The following ATR variants were observed in gnomAD, a reference collection of about 807,000 sequenced individuals.
The protein encoded by ATR is ATR checkpoint kinase.
ATR carries 142 observed loss-of-function variants against 305.3 expected under a neutral mutation model. That is an observed-to-expected ratio of 0.47 (90% CI 0.41 to 0.53). The LOEUF (loss-of-function observed/expected upper bound fraction) is 0.53. ATR is among the 20% of genes least tolerant of loss of function. ATR has a pLI of 0.00. For missense variants in ATR, 2,135 were observed against 3,133.1 expected (o/e 0.68, Z 7.60); for synonymous variants, 1,050 against 1,068.1 (o/e 0.98, Z 0.33).
At position 142,558,736 on chromosome 3, in the gene ATR, A is replaced by C; in HGVS notation, c.1773T>G (p.Cys591Trp). 1.2e-6 allele frequency: 2 copies of C among 1,611,556 alleles called. No individual in the cohort carries two copies. The highest frequency in any genetic ancestry group is 8.5e-7 in the Non-Finnish European group (1 of 1,178,152). ...SFEDHILEDLCGMLSLPWIYS... is the reference protein window; with the variant it reads ...SFEDHILEDLWGMLSLPWIYS... ...AAATCCATGGAAGTGAGAGCATACC[A>C]CATAAATCTTCCAGGATATGATCTT... Residue 591 changes from cysteine to tryptophan, a missense_variant, in exon 8 of 47, where the codon TGT (cysteine) becomes TGG (tryptophan). Transcript: ENST00000350721.
intron 45 of ATR, among the ~76,000 whole-genome samples, chr3:142,455,646 C>A (rs555667009): frequency 1.3e-5 from 2 of 152,314 alleles, no homozygotes; most frequent in East Asian, 3.9e-4. Context: ...GCAAAATATT[C>A]TTTTCAAAAA....
At chr3:142,463,792 CTA>C (rs2071069272) in intron 41 of ATR, among the ~76,000 whole-genome samples, 2 of 152,224 alleles carry the variant, frequency 1.3e-5, no homozygotes, top group Admixed American at 1.3e-4. Context: ...ACCAAGCAGA[CTA>C]TAACTTTTTT....
intron 15 of ATR, among the ~76,000 whole-genome samples, chr3:142,548,415 T>A (rs1313954495): frequency 2.0e-5 from 3 of 152,202 alleles, no homozygotes; most frequent in Non-Finnish European, 4.4e-5. Flanking sequence ...ACACCTGTAA[T>A]TCCAGCACTT....
rs756990664 is a variant in ATR, at chr3:142,459,323, G to C, written c.7253C>G (p.Ser2418Cys). 2.5e-6 allele frequency: 4 copies of C among 1,613,980 alleles called. No individual in the cohort carries two copies. Among genetic ancestry groups the C allele is most frequent in the Non-Finnish European group, 3.4e-6 (4 of 1,179,866 alleles). Residue 2418 changes from serine to cysteine, a missense_variant, in exon 43 of 47, where the codon TCT (serine) becomes TGT (cysteine). By Grantham distance (112) the Ser-to-Cys change is moderately radical. This residue lies in a region of ATR where 462 missense variants were observed against 887.6 expected (regional missense o/e 0.52). Coordinates refer to ENST00000350721, the MANE Select transcript of ATR (RefSeq NM_001184.4). The part of the protein sequence containing the change: ...QCMLPKSAAL[S>C]EKLKVFREFL... ...TTCTCGGAATACTTTGAGTTTTTCA[G>C]ATAAAGCTGCTGACTTTGGTAGCAT...
intron 2 of ATR, among the ~76,000 whole-genome samples, chr3:142,566,574 C>T (rs1190846115): frequency 4.2e-5 from 6 of 142,462 alleles, no homozygotes; most frequent in African/African-American, 1.3e-4. Context: ...TAGTGAGCTA[C>T]GATCACACTA....
chr3:142,453,092 G>A (rs2070828303), intron 46 of ATR, 36 bp downstream of exon 46: 3 of 1,613,336 alleles, frequency 1.9e-6, no homozygotes, highest in South Asian at 2.2e-5. Flanking sequence ...TAGAGATGAG[G>A]ACTACAGCCC....
chr3:142,450,865 C>T, intron 46 of ATR: 1 of 1,330,830 alleles, frequency 7.5e-7, no homozygotes, highest in Admixed American at 3.0e-5. Context: ...GTTCTCCGAC[C>T]AAGCAGACAG....
rs114790050 is a variant in ATR, at chr3:142,485,502, A to G, written c.6079-220T>C. ...GTTCTGGTGGGTTGCCCACTGCCCA[A>G]CATGAAATAGTGCTGGAAGAATTCG... is the stretch of plus-strand genomic sequence containing the variant. On this transcript the variant is annotated intron_variant, in intron 35 of 46. Transcript: ENST00000350721. Among the ~76,000 whole-genome samples the G allele has an allele frequency of 6.0e-3, 914 of 152,314 alleles. 5 individuals carry two copies. The highest frequency in any genetic ancestry group is 9.3e-3 in the Non-Finnish European group (631 of 68,018).
intron 1 of ATR, among the ~76,000 whole-genome samples, chr3:142,577,310 G>T (rs2035471853): frequency 6.6e-6 from 1 of 152,206 alleles, no homozygotes. Flanking sequence ...GAAGACAGAA[G>T]AGGGAAGAGA....
chr3:142,496,278 C>CTATATATATATATA (rs6148111), intron 34 of ATR, 83 bp downstream of exon 34: 2 of 113,698 alleles, frequency 1.8e-5, no homozygotes, highest in South Asian at 1.6e-4. Context: ...TAATTCCCGA[C>CTATATATATATATA]TATATATATA....
chr3:142,532,097 AC>A, intron 21 of ATR, among the ~76,000 whole-genome samples: 1 of 152,068 alleles, frequency 6.6e-6, no homozygotes, highest in East Asian at 1.9e-4. Context: ...GGTGGGCTGC[AC>A]CCACTGTCCT....
At chr3:142,542,029 A>G (rs979568757) in intron 17 of ATR, among the ~76,000 whole-genome samples, 12 of 152,212 alleles carry the variant, frequency 7.9e-5, no homozygotes, top group African/African-American at 2.7e-4. Flanking sequence ...TCCAATTTAT[A>G]GGACGAAAAT....
At chr3:142,479,207 T>C (rs1257605469) in intron 36 of ATR, among the ~76,000 whole-genome samples, 1 of 152,170 alleles carries the variant, frequency 6.6e-6, no homozygotes, top group Non-Finnish European at 1.5e-5. Flanking sequence ...ATTTGGCATG[T>C]TTCTGCAGTG....
At chr3:142,525,823 A>G (rs2033369201) in intron 21 of ATR, among the ~76,000 whole-genome samples, 2 of 152,138 alleles carry the variant, frequency 1.3e-5, no homozygotes, top group African/African-American at 4.8e-5. Context: ...CCCTTTGGCT[A>G]TGAGTAAAGG....
chr3:142,561,115 TC>T, intron 5 of ATR, 127 bp downstream of exon 5: 1 of 999,984 alleles, frequency 1.0e-6, no homozygotes, highest in Non-Finnish European at 1.5e-6. Flanking sequence ...TTTTAAGCAC[TC>T]CCTTGGCTAC....
chr3:142,481,217 C>A (rs755494000), intron 36 of ATR, among the ~76,000 whole-genome samples: 4 of 152,216 alleles, frequency 2.6e-5, no homozygotes, highest in Non-Finnish European at 5.9e-5. Flanking sequence ...TCCTATTCGG[C>A]CATCTTGGAA....
At chr3:142,485,558 C>T (rs1246339912) in intron 35 of ATR, among the ~76,000 whole-genome samples, 1 of 152,068 alleles carries the variant, frequency 6.6e-6, no homozygotes, top group African/African-American at 2.4e-5. Flanking sequence ...TTTATGTCAC[C>T]ACTTTAAAAG....
chr3:142,535,905 T>C (rs2033840277), intron 20 of ATR, among the ~76,000 whole-genome samples: 1 of 152,152 alleles, frequency 6.6e-6, no homozygotes, highest in Non-Finnish European at 1.5e-5. Flanking sequence ...TCTAATGGTG[T>C]TACATATTTA....
At chr3:142,565,863 A>G (rs1489423321) in intron 3 of ATR, among the ~76,000 whole-genome samples, 1 of 152,126 alleles carries the variant, frequency 6.6e-6, no homozygotes, top group African/African-American at 2.4e-5. Context: ...TACCAAAAAC[A>G]GAAAAAAGAA....
Sources: gnomAD v4.1 joint callset for allele counts (sites outside exome capture counted in the v4.1 genomes callset) on GRCh38, gnomAD v4.1.1 for gene constraint, gnomAD v4.1.1 regional missense constraint, MANE v1.5 for transcripts, NCBI Gene and HGNC (gene_info 2026-07-23, HGNC 2026-07-21) for gene names.